The following SLC35F3 variants were observed in gnomAD, a reference collection of about 807,000 sequenced individuals.
SLC35F3 encodes the protein putative thiamine transporter SLC35F3.
SLC35F3 carries 25 observed loss-of-function variants against 49.9 expected under a neutral mutation model. That is an observed-to-expected ratio of 0.50 (90% CI 0.37 to 0.70). SLC35F3 has a LOEUF of 0.70. Ranked by LOEUF, SLC35F3 falls within the 30% of genes least tolerant of loss-of-function variation. The pLI is 0.00. For synonymous variants in SLC35F3, 275 were observed against 265.4 expected, an observed-to-expected ratio of 1.04 and a Z score of -0.35; for missense variants, 525 against 639.8, an observed-to-expected ratio of 0.82 and a Z score of 1.94.
At chr1:234,318,344 G>T (rs1402249197) in intron 5 of SLC35F3, among the ~76,000 whole-genome samples, 1 of 152,206 alleles carries the variant, frequency 6.6e-6, no homozygotes, top group South Asian at 2.1e-4. Context: ...TTTACAGAAC[G>T]TATCTTTGCA....
At chr1:234,069,930 C>T (rs768410526) in intron 2 of SLC35F3, among the ~76,000 whole-genome samples, 1 of 152,168 alleles carries the variant, frequency 6.6e-6, no homozygotes, top group Non-Finnish European at 1.5e-5. Context: ...GGATACCCTT[C>T]ATTCTTACTT....
At chr1:234,234,656 G>A (rs1316912217) in intron 3 of SLC35F3, among the ~76,000 whole-genome samples, 4 of 152,192 alleles carry the variant, frequency 2.6e-5, no homozygotes, top group Non-Finnish European at 5.9e-5. Context: ...ACCTCACCAT[G>A]TAGAACTGAT....
At chr1:233,929,551 C>A (rs897268555) in intron 2 of SLC35F3, among the ~76,000 whole-genome samples, 1 of 152,122 alleles carries the variant, frequency 6.6e-6, no homozygotes, top group African/African-American at 2.4e-5. Flanking sequence ...CTTTTCATTT[C>A]TTTTAGTACA....
chr1:234,310,487 A>G (rs1657325565), intron 4 of SLC35F3, among the ~76,000 whole-genome samples: 1 of 152,206 alleles, frequency 6.6e-6, no homozygotes, highest in South Asian at 2.1e-4. Flanking sequence ...ATTTTGGAAT[A>G]AAAACTCACT....
chr1:234,298,517 G>C (rs1338710942), intron 3 of SLC35F3, among the ~76,000 whole-genome samples: 2 of 152,206 alleles, frequency 1.3e-5, no homozygotes, highest in African/African-American at 4.8e-5. Context: ...AGTGCCCTAG[G>C]TGTTAATGGC....
At chr1:234,268,442 G>A (rs1378568004) in intron 3 of SLC35F3, 2 of 152,450 alleles carry the variant, frequency 1.3e-5, no homozygotes, top group East Asian at 3.8e-4. Context: ...GGGAGACCGT[G>A]GAAAGGAGAC....
chr1:234,135,822 G>T (rs768739121), intron 2 of SLC35F3, among the ~76,000 whole-genome samples: 4 of 152,230 alleles, frequency 2.6e-5, no homozygotes, highest in Non-Finnish European at 5.9e-5. Flanking sequence ...TTTAGGCATA[G>T]CTTGTCAGGG....
chr1:234,032,167 C>T (rs913464044), intron 2 of SLC35F3, among the ~76,000 whole-genome samples: 1 of 152,074 alleles, frequency 6.6e-6, no homozygotes, highest in African/African-American at 2.4e-5. Context: ...GCTATCTTTT[C>T]TCTCTGTGTT....
In SLC35F3 at chr1:233,948,669, G is replaced by A. The variant is rs142945743; in HGVS notation, c.283+42911G>A. Among the ~76,000 whole-genome samples the A allele has an allele frequency of 8.2e-3, 1,246 of 151,192 alleles. 15 individuals are homozygous for A. The highest frequency in any genetic ancestry group is 0.028 in the African/African-American group (1,159 of 41,102). On this transcript the variant is annotated intron_variant, in intron 2 of 7. Coordinates refer to ENST00000366618, the MANE Select transcript of SLC35F3 (RefSeq NM_173508.4). ...GCTGGTGTGCTGCACCCACTAACTC[G>A]TCATCTAGCATTAGGTATATCTCCC...
At chr1:234,081,840 C>G (rs1010916583) in intron 2 of SLC35F3, among the ~76,000 whole-genome samples, 2 of 150,042 alleles carry the variant, frequency 1.3e-5, no homozygotes, top group African/African-American at 4.9e-5. Flanking sequence ...CAGGTTCATG[C>G]CATTTTTCTG....
At chr1:234,042,425 G>A (rs904120969) in intron 2 of SLC35F3, among the ~76,000 whole-genome samples, 11 of 152,004 alleles carry the variant, frequency 7.2e-5, no homozygotes, top group African/African-American at 2.7e-4. Context: ...TGGTCTTTAG[G>A]ATATAAAAGG....
intron 2 of SLC35F3, among the ~76,000 whole-genome samples, chr1:233,971,624 C>T (rs960615558): frequency 2.7e-5 from 4 of 149,204 alleles, no homozygotes; most frequent in Non-Finnish European, 5.9e-5. Flanking sequence ...GAGGTTGAGG[C>T]AGAGAATTGC....
At chr1:234,118,240 A>C (rs1006978975) in intron 2 of SLC35F3, among the ~76,000 whole-genome samples, 1 of 152,088 alleles carries the variant, frequency 6.6e-6, no homozygotes, top group Non-Finnish European at 1.5e-5. Context: ...TCCTGACTTC[A>C]TGTTACCCTG....
At chr1:233,968,798 T>A (rs1466415449) in intron 2 of SLC35F3, among the ~76,000 whole-genome samples, 1 of 152,172 alleles carries the variant, frequency 6.6e-6, no homozygotes, top group African/African-American at 2.4e-5. Flanking sequence ...AGGTAGTTTT[T>A]CAACCCTCAT....
At chr1:234,259,005 G>A (rs570113531) in intron 3 of SLC35F3, among the ~76,000 whole-genome samples, 2 of 152,330 alleles carry the variant, frequency 1.3e-5, no homozygotes, top group African/African-American at 4.8e-5. Context: ...GAAGGTATAT[G>A]GGGTATTCGG....
chr1:234,130,112 AC>A (rs950941647), intron 2 of SLC35F3, among the ~76,000 whole-genome samples: 1 of 152,256 alleles, frequency 6.6e-6, no homozygotes, highest in African/African-American at 2.4e-5. Flanking sequence ...TACAATGTAT[AC>A]ATCTGATGAA....
intron 2 of SLC35F3, among the ~76,000 whole-genome samples, chr1:234,032,496 A>T (rs1238100589): frequency 1.3e-5 from 2 of 152,038 alleles, no homozygotes; most frequent in Non-Finnish European, 2.9e-5. Context: ...GTACAGTTTT[A>T]TTCCTCACCT....
chr1:234,187,458 G>A (rs1296103389), intron 2 of SLC35F3, among the ~76,000 whole-genome samples: 1 of 152,202 alleles, frequency 6.6e-6, no homozygotes, highest in African/African-American at 2.4e-5. Context: ...CATGTCGGGA[G>A]TCACATTGTG....
At chr1:234,260,639 C>T (rs1052952173) in intron 3 of SLC35F3, among the ~76,000 whole-genome samples, 3 of 152,198 alleles carry the variant, frequency 2.0e-5, no homozygotes, top group Non-Finnish European at 2.9e-5. Flanking sequence ...TATCTTAATA[C>T]TATGGACAGC....
Sources: gnomAD v4.1 joint callset for allele counts (sites outside exome capture counted in the v4.1 genomes callset) on GRCh38, gnomAD v4.1.1 for gene constraint, MANE v1.5 for transcripts, NCBI Gene and HGNC (gene_info 2026-07-23, HGNC 2026-07-21) for gene names.